ZNF532: variants seen among roughly 807,000 people sequenced by gnomAD.
ZNF532 encodes the protein zinc finger protein 532.
A neutral mutation model predicts 89.3 loss-of-function variants in ZNF532; 22 were observed. That is an observed-to-expected ratio of 0.25 (90% CI 0.18 to 0.35). ZNF532 has a LOEUF of 0.35. Among genes scored for constraint, ZNF532 ranks in the 10% least tolerant of loss-of-function variants. The pLI, the probability that ZNF532 is intolerant of heterozygous loss-of-function variation, is 1.00. For missense variants in ZNF532, 1,132 were observed against 1,643.4 expected (o/e 0.69, Z 5.38); for synonymous variants, 606 against 649.6 (o/e 0.93, Z 1.02).
intron 5 of ZNF532, among the ~76,000 whole-genome samples, chr18:58,942,152 A>G (rs2063161126): frequency 6.7e-6 from 1 of 150,344 alleles, no homozygotes; most frequent in Admixed American, 6.7e-5. Flanking sequence ...CCTCCTGAGT[A>G]GCTGGGACTA....
intron 2 of ZNF532, among the ~76,000 whole-genome samples, chr18:58,872,892 G>C (rs1482580981): frequency 6.6e-6 from 1 of 151,690 alleles, no homozygotes; most frequent in Non-Finnish European, 1.5e-5. Context: ...TAGAGATGGG[G>C]TTTCACCATG....
chr18:58,880,168 G>A (rs549835831), intron 2 of ZNF532, among the ~76,000 whole-genome samples: 1 of 152,332 alleles, frequency 6.6e-6, no homozygotes, highest in African/African-American at 2.4e-5. Context: ...AGGCCGCTGA[G>A]CATAGCTGTC....
At chr18:58,891,211 G>A (rs903546657) in intron 2 of ZNF532, among the ~76,000 whole-genome samples, 5 of 152,004 alleles carry the variant, frequency 3.3e-5, no homozygotes, top group Admixed American at 6.5e-5. Context: ...GAGCCACTGC[G>A]CCCGGCCTCT....
chr18:58,908,619 T>C (rs2060091369), intron 2 of ZNF532, among the ~76,000 whole-genome samples: 1 of 152,232 alleles, frequency 6.6e-6, no homozygotes, highest in Non-Finnish European at 1.5e-5. Context: ...CATTAGCTTA[T>C]GAAGTTGAGG....
intron 7 of ZNF532, among the ~76,000 whole-genome samples, chr18:58,967,519 G>T (rs1173818682): frequency 1.3e-5 from 2 of 152,128 alleles, no homozygotes; most frequent in East Asian, 3.8e-4. Flanking sequence ...ATCACCAGTA[G>T]GTCTCTTCAT....
intron 2 of ZNF532, among the ~76,000 whole-genome samples, chr18:58,891,995 G>A (rs767764368): frequency 2.6e-5 from 4 of 152,232 alleles, no homozygotes; most frequent in Non-Finnish European, 5.9e-5. Flanking sequence ...AGCAAGGCTG[G>A]TTTACTGTGA....
chr18:58,892,301 G>A lies in ZNF532; in HGVS notation c.-17-25970G>A, dbSNP rs531259796. ...CTTGCTTTGGCTTTAAACTCTCTTT[G>A]GAGAATATCACAATCTAAATTTAAA... is the stretch of plus-strand genomic sequence containing the variant. On this transcript the variant is annotated intron_variant, in intron 2 of 9. Coordinates refer to ENST00000591808, the MANE Select transcript of ZNF532 (RefSeq NM_001375912.1). Among the ~76,000 whole-genome samples, 9 of 152,252 alleles carry A rather than the reference G, an allele frequency of 5.9e-5. No homozygotes were observed. The South Asian group carries it at 1.9e-3, about 32-fold the overall frequency.
At chr18:58,896,180 CT>C (rs1568265858) in intron 2 of ZNF532, among the ~76,000 whole-genome samples, 1 of 152,126 alleles carries the variant, frequency 6.6e-6, no homozygotes, top group African/African-American at 2.4e-5. Context: ...ACTTTCTTCC[CT>C]GTTAAATCTA....
In ZNF532 at chr18:58,968,603, C is replaced by G. The variant is rs115470356; in HGVS notation, c.3151-10452C>G. 2.3e-3 allele frequency among the ~76,000 whole-genome samples: 354 copies of G among 152,356 alleles called. 2 individuals carry two copies. The highest frequency in any genetic ancestry group is 7.8e-3 in the African/African-American group (325 of 41,590). Reference sequence around the variant, plus strand: ...CTTCTTGTGACCCACGGTTCCCTCCCTGTCCCTGGAATCCATGGCAGGTAG... The same window carrying G: ...CTTCTTGTGACCCACGGTTCCCTCCGTGTCCCTGGAATCCATGGCAGGTAG... On this transcript the variant is annotated intron_variant, in intron 7 of 9. Transcript: ENST00000591808.
chr18:58,924,939 A>AT (rs1321072602), intron 3 of ZNF532, among the ~76,000 whole-genome samples: 1 of 152,226 alleles, frequency 6.6e-6, no homozygotes, highest in Non-Finnish European at 1.5e-5. Flanking sequence ...GTTGTTGCGT[A>AT]TATCAATAGT....
intron 5 of ZNF532, among the ~76,000 whole-genome samples, chr18:58,944,666 T>A (rs906667918): frequency 2.0e-5 from 3 of 152,132 alleles, no homozygotes; most frequent in African/African-American, 7.2e-5. Flanking sequence ...TTTTCCATTT[T>A]CATTGGAGAG....
chr18:58,942,638 G>A (rs555396863), intron 5 of ZNF532, among the ~76,000 whole-genome samples: 7 of 151,804 alleles, frequency 4.6e-5, no homozygotes, highest in South Asian at 2.1e-4. Context: ...CAGTGTTCCC[G>A]GAGATAACCC....
chr18:58,886,984 C>T (rs1189888877), intron 2 of ZNF532, among the ~76,000 whole-genome samples: 1 of 152,216 alleles, frequency 6.6e-6, no homozygotes, highest in African/African-American at 2.4e-5. Flanking sequence ...GGTTCCTGGG[C>T]AAGCCCTGCC....
At chr18:58,938,263 C>A (rs1023755294) in intron 4 of ZNF532, among the ~76,000 whole-genome samples, 4 of 152,154 alleles carry the variant, frequency 2.6e-5, no homozygotes, top group African/African-American at 9.6e-5. Context: ...TTTCTGGAGA[C>A]TTTTGTACCT....
chr18:58,958,053 A>G (rs6567037), intron 7 of ZNF532, among the ~76,000 whole-genome samples: 148,411 of 148,818 alleles, frequency 1, 74,004 homozygotes, highest in Middle Eastern at 1. Flanking sequence ...GCAACAGAGC[A>G]AGACAATGTG....
intron 3 of ZNF532, among the ~76,000 whole-genome samples, chr18:58,933,066 T>TG (rs2062091503): frequency 1.3e-5 from 2 of 152,264 alleles, no homozygotes; most frequent in African/African-American, 4.8e-5. Flanking sequence ...CAGAAACAAA[T>TG]GGTTACCTGT....
chr18:58,920,365 C>T lies in ZNF532; in HGVS notation c.2078C>T (p.Ser693Phe), dbSNP rs1313500483. The T allele has an allele frequency of 6.2e-7, 1 of 1,613,878 alleles. No individual in the cohort carries two copies. The highest frequency in any genetic ancestry group is 1.7e-5 in the Admixed American group (1 of 60,002). ...GTCCCAGCAGATCAAATGATAGTTT[C>T]TCCGTCAAGCAATACTTCCACTTCA... ...KPVPADQMIV[S>F]PSSNTSTSTS... Residue 693 changes from serine (S) to phenylalanine (F), a missense_variant, in exon 3 of 10, where the codon TCT (serine) becomes TTT (phenylalanine). Coordinates refer to ENST00000591808, the MANE Select transcript of ZNF532 (RefSeq NM_001375912.1).
chr18:58,899,962 A>C (rs370152095), intron 2 of ZNF532, among the ~76,000 whole-genome samples: 12 of 152,258 alleles, frequency 7.9e-5, no homozygotes, highest in African/African-American at 2.6e-4. Flanking sequence ...AAGTTCCTTC[A>C]TAACTTCCTG....
intron 3 of ZNF532, among the ~76,000 whole-genome samples, chr18:58,921,659 T>C (rs973476701): frequency 6.6e-6 from 1 of 152,276 alleles, no homozygotes; most frequent in African/African-American, 2.4e-5. Context: ...ATCAGCCTTT[T>C]ATCTCCATCA....
Sources: allele counts gnomAD v4.1 joint callset (sites outside exome capture counted in the v4.1 genomes callset), GRCh38; gene constraint gnomAD v4.1.1; transcripts MANE v1.5; gene names NCBI Gene and HGNC (gene_info 2026-07-23, HGNC 2026-07-21).